The following SAE1 variants were observed in gnomAD, a reference collection of about 807,000 sequenced individuals.
SAE1 encodes SUMO1 activating enzyme subunit 1.
Under a neutral mutation model 40.6 loss-of-function variants are expected in SAE1, and 11 were observed. That is an observed-to-expected ratio of 0.27 (90% confidence interval 0.17 to 0.45). SAE1 has a LOEUF of 0.45. Among genes scored for constraint, SAE1 ranks in the 20% least tolerant of loss-of-function variants. The probability of loss-of-function intolerance (pLI) is 1.00; values close to 1 mark genes in which losing one functional copy is unlikely to be tolerated. For synonymous variants in SAE1, 155 were observed against 154.3 expected (o/e 1.00, Z -0.03); for missense variants, 373 against 427.3 (o/e 0.87, Z 1.12).
chr19:47,208,738 A>T (rs920015505), intron 8 of SAE1, among the ~76,000 whole-genome samples: 7 of 151,774 alleles, frequency 4.6e-5, no homozygotes, highest in Non-Finnish European at 1.0e-4. Context: ...TTTAGTTTTC[A>T]TATAGACGGG....
chr19:47,185,356 G>A (rs1568604209), intron 6 of SAE1, among the ~76,000 whole-genome samples: 1 of 151,850 alleles, frequency 6.6e-6, no homozygotes, highest in Non-Finnish European at 1.5e-5. Context: ...CACCCAGGTT[G>A]GAGTGCGGTG....
chr19:47,144,799 G>A (rs989813662), intron 2 of SAE1, among the ~76,000 whole-genome samples: 1 of 152,156 alleles, frequency 6.6e-6, no homozygotes, highest in African/African-American at 2.4e-5. Context: ...CAAGTATCCA[G>A]TAATTAGGAA....
Position 47,161,925 on chromosome 19 carries a change from A to T in SAE1, c.627+6712A>T, listed in dbSNP as rs374269669. Among the ~76,000 whole-genome samples, 37 of 152,280 alleles carry T rather than the reference A, an allele frequency of 2.4e-4. No individual in the cohort carries two copies. In the East Asian group the frequency reaches 6.7e-3, roughly 28 times the overall value. ...CACGTTTGTGAGGCCATCTGTTTAT[A>T]TGTTGTTCTAGGGCTTTGCTGTCCA... is the stretch of plus-strand genomic sequence containing the variant. On this transcript the variant is annotated intron_variant, in intron 5 of 8. Transcript: ENST00000270225.
rs2058702720 is a variant in SAE1, at chr19:47,209,477, G to T, written c.*226G>T. On this transcript the variant is annotated 3_prime_UTR_variant, in exon 9 of 9. Coordinates refer to ENST00000270225, the MANE Select transcript of SAE1 (RefSeq NM_005500.3). ...CTGTCTTTGTTCCAGCACTGTTCAG[G>T]CTGCCTGTCATCCCGGGCCTGCCAG... 3 of 685,014 alleles carry T rather than the reference G, an allele frequency of 4.4e-6. No homozygotes were observed. Among genetic ancestry groups the T allele is most frequent in the South Asian group, 4.0e-5 (2 of 50,244 alleles). The allele number at this position is 685,014 out of a possible 1,614,324, so 42.4% of individuals were successfully genotyped here.
chr19:47,155,060 C>G, intron 4 of SAE1, 54 bp from the exon 5 acceptor site: 1 of 1,149,576 alleles, frequency 8.7e-7, no homozygotes, highest in Non-Finnish European at 1.3e-6. Context: ...TTTTTGATTC[C>G]AATAACATGA....
chr19:47,153,814 G>T (rs1028015271), intron 4 of SAE1, among the ~76,000 whole-genome samples: 34 of 151,952 alleles, frequency 2.2e-4, no homozygotes, highest in Admixed American at 1.3e-4. Flanking sequence ...TTTTTGAGAC[G>T]GAGTTTTGCT....
intron 7 of SAE1, among the ~76,000 whole-genome samples, chr19:47,200,234 C>CTT (rs776221582): frequency 4.4e-5 from 6 of 135,742 alleles, no homozygotes; most frequent in Admixed American, 7.5e-5. Flanking sequence ...CGCCCAGCCT[C>CTT]TTTTTTTTTT....
intron 6 of SAE1, among the ~76,000 whole-genome samples, chr19:47,195,491 A>G (rs925221170): frequency 2.0e-5 from 3 of 152,126 alleles, no homozygotes; most frequent in Non-Finnish European, 4.4e-5. Context: ...TTAAACATCC[A>G]TTTATGGGGA....
At chr19:47,196,530 A>AT (rs2058617256) in intron 6 of SAE1, among the ~76,000 whole-genome samples, 1 of 134,482 alleles carries the variant, frequency 7.4e-6, no homozygotes, top group Non-Finnish European at 1.6e-5. Flanking sequence ...CACCTGGCTA[A>AT]TTTTTGTATT....
chr19:47,206,418 G>A (rs1197280354), intron 8 of SAE1, among the ~76,000 whole-genome samples: 1 of 152,232 alleles, frequency 6.6e-6, no homozygotes. Flanking sequence ...CACTGTCTGA[G>A]CGCCTATGGA....
At chr19:47,190,029 G>A (rs142802488) in intron 6 of SAE1, among the ~76,000 whole-genome samples, 1 of 152,162 alleles carries the variant, frequency 6.6e-6, no homozygotes, top group Non-Finnish European at 1.5e-5. Flanking sequence ...ACGTGAAACC[G>A]TGCTTGGTTT....
intron 6 of SAE1, among the ~76,000 whole-genome samples, chr19:47,188,030 A>G (rs929326218): frequency 2.0e-5 from 3 of 152,062 alleles, no homozygotes; most frequent in Admixed American, 6.6e-5. Flanking sequence ...TCCTTGTGCT[A>G]GTTCATTTCC....
chr19:47,178,906 A>C (rs1380784582), intron 6 of SAE1, among the ~76,000 whole-genome samples: 1 of 152,108 alleles, frequency 6.6e-6, no homozygotes, highest in East Asian at 1.9e-4. Flanking sequence ...AAGTAAAGAA[A>C]AATCTCACCT....
chr19:47,132,800 A>T (rs1393381486), intron 1 of SAE1, among the ~76,000 whole-genome samples: 1 of 151,736 alleles, frequency 6.6e-6, no homozygotes, highest in Non-Finnish European at 1.5e-5. Flanking sequence ...AGGTGGGAGC[A>T]TCACCTGAGC....
Position 47,175,107 on chromosome 19 carries a change from A to ATTT in SAE1, c.733+5206_733+5208dup, listed in dbSNP as rs916783073. On this transcript the variant is annotated intron_variant, in intron 6 of 8. Coordinates refer to ENST00000270225, the MANE Select transcript of SAE1 (RefSeq NM_005500.3). ...TGGAAATAATTTAAAAGTGGCCTTG[A>ATTT]TTTTTTTTTTTTTTTTTTTTTTTTG... Among the ~76,000 whole-genome samples the ATTT allele has an allele frequency of 3.1e-3, 282 of 91,698 alleles. 8 individuals carry two copies. Among genetic ancestry groups the ATTT allele is most frequent in the Non-Finnish European group, 3.8e-3 (185 of 49,136 alleles). 60.2% of individuals were successfully genotyped at this position (91,698 alleles called of 152,430 possible).
At chr19:47,197,174 C>T in intron 6 of SAE1, 59 bp from the exon 7 acceptor site, 1 of 1,527,368 alleles carries the variant, frequency 6.5e-7, no homozygotes, top group Non-Finnish European at 8.8e-7. Context: ...GTGTGAGCCT[C>T]CATCTCCAAA....
chr19:47,138,185 A>C (rs760495109), intron 1 of SAE1, among the ~76,000 whole-genome samples: 3 of 152,136 alleles, frequency 2.0e-5, no homozygotes, highest in Non-Finnish European at 4.4e-5. Flanking sequence ...CTGGGATTAC[A>C]GGCGCCTGCT....
intron 8 of SAE1, among the ~76,000 whole-genome samples, chr19:47,204,251 G>A (rs1289557020): frequency 7.6e-6 from 1 of 131,144 alleles, no homozygotes; most frequent in Admixed American, 8.8e-5. Context: ...AGGCTGGAGT[G>A]CAGTAGCACG....
chr19:47,184,133 T>C (rs1446952015), intron 6 of SAE1, among the ~76,000 whole-genome samples: 4 of 152,172 alleles, frequency 2.6e-5, no homozygotes, highest in African/African-American at 9.6e-5. Context: ...GAATAGAATA[T>C]TGGGCTGGGG....
Sources: gnomAD v4.1 joint callset for allele counts (sites outside exome capture counted in the v4.1 genomes callset) on GRCh38, gnomAD v4.1.1 for gene constraint, MANE v1.5 for transcripts, NCBI Gene and HGNC (gene_info 2026-07-23, HGNC 2026-07-21) for gene names.